SMIM3: variants seen among roughly 807,000 people sequenced by gnomAD.
SMIM3 encodes NGF-induced differentiation clone 67 protein.
SMIM3 carries 4 observed loss-of-function variants against 2.1 expected under a neutral mutation model. That is an observed-to-expected ratio of 1.89 (90% CI 0.93 to 4.31). The LOEUF is 4.31. SMIM3 is among the 30% of genes most tolerant of loss of function. The pLI is 0.01. For missense variants in SMIM3, 79 were observed against 77.7 expected, an observed-to-expected ratio of 1.02 and a Z score of -0.06; for synonymous variants, 29 against 30.8, an observed-to-expected ratio of 0.94 and a Z score of 0.19.
At chr5:150,787,626 G>C (rs1422305427) in intron 1 of SMIM3, among the ~76,000 whole-genome samples, 1 of 152,120 alleles carries the variant, frequency 6.6e-6, no homozygotes, top group Non-Finnish European at 1.5e-5. Flanking sequence ...TCAATGGCTG[G>C]CTAACCTCTC....
Position 150,796,287 on chromosome 5 carries a change from T to C in SMIM3, c.*664T>C, listed in dbSNP as rs910081994. 6.5e-6 allele frequency: 1 copy of C among 152,876 alleles called. No individual in the cohort carries two copies. The highest frequency in any genetic ancestry group is 2.1e-4 in the South Asian group (1 of 4,824). The allele number at this position is 152,876 out of a possible 1,614,324, so 9.5% of individuals were successfully genotyped here. A position where few individuals can be genotyped will look rare whatever the true frequency, so the allele number is the denominator to read the frequency against. ...CTTCTTTCTGCACTGGAGTCTCACA[T>C]CTGTTAGCTTTGACACTCAAGCAAT... On this transcript the variant is annotated 3_prime_UTR_variant, in exon 2 of 2. Coordinates refer to ENST00000526627, the MANE Select transcript of SMIM3 (RefSeq NM_032947.5).
chr5:150,780,727 C>T lies in SMIM3; in HGVS notation c.-12+1755C>T, dbSNP rs535920400. ...AGCCTCAGATGCTTTCTCAGCCATA[C>T]GCCAATCCTTTAAACGTTGTGCCTC... is the stretch of plus-strand genomic sequence containing the variant. On this transcript the variant is annotated intron_variant, in intron 1 of 1. Transcript: ENST00000526627. Among the ~76,000 whole-genome samples, 12 of 152,242 alleles carry T rather than the reference C, an allele frequency of 7.9e-5. No individual in the cohort carries two copies. The East Asian group carries it at 1.4e-3, about 17-fold the overall frequency.
At chr5:150,784,946 G>A (rs1314230552) in intron 1 of SMIM3, among the ~76,000 whole-genome samples, 1 of 152,046 alleles carries the variant, frequency 6.6e-6, no homozygotes. Context: ...ATTTAACAAA[G>A]TCTAATATGA....
intron 1 of SMIM3, among the ~76,000 whole-genome samples, chr5:150,793,193 C>T (rs989149482): frequency 2.6e-5 from 4 of 152,124 alleles, no homozygotes; most frequent in Admixed American, 2.0e-4. Context: ...AATGGAAACA[C>T]ATTCCATGCT....
chr5:150,795,511 T>C lies in SMIM3; in HGVS notation c.71T>C (p.Val24Ala). 6.2e-7 allele frequency: 1 copy of C among 1,613,472 alleles called. No individual in the cohort carries two copies. ...PKHILDIWVI[V>A]LIILATIVIM... ...CACATCCTGGATATCTGGGTTATTG[T>C]CCTCATCATCCTGGCCACCATTGTC... The change falls in exon 2 of 2, where the codon GTC (valine) becomes GCC (alanine). Residue 24 changes from valine (V) to alanine (A), a missense_variant. By Grantham distance (64) the Val-to-Ala change is moderately conservative. Transcript: ENST00000526627.
chr5:150,783,779 G>A (rs890959425), intron 1 of SMIM3, among the ~76,000 whole-genome samples: 3 of 152,164 alleles, frequency 2.0e-5, no homozygotes, highest in Non-Finnish European at 4.4e-5. Context: ...TAAGTTTCCG[G>A]TGGGAGGTTC....
intron 1 of SMIM3, among the ~76,000 whole-genome samples, chr5:150,780,162 G>A (rs938589606): frequency 6.6e-6 from 1 of 152,136 alleles, no homozygotes; most frequent in Non-Finnish European, 1.5e-5. Flanking sequence ...GGAAGAACAG[G>A]TACTCTGGGG....
At chr5:150,794,779 C>T (rs536532218) in intron 1 of SMIM3, among the ~76,000 whole-genome samples, 5 of 152,062 alleles carry the variant, frequency 3.3e-5, no homozygotes, top group Admixed American at 1.3e-4. Context: ...AAATAAATAC[C>T]GAGCAGTTCC....
chr5:150,781,788 T>C (rs1185810465), intron 1 of SMIM3, among the ~76,000 whole-genome samples: 1 of 152,202 alleles, frequency 6.6e-6, no homozygotes, highest in Non-Finnish European at 1.5e-5. Flanking sequence ...GCACCTCTCA[T>C]GGACAGTCTC....
Position 150,795,521 on chromosome 5 carries a change from C to A in SMIM3, c.81C>A (p.Ile27=). 6.2e-7 allele frequency: 1 copy of A among 1,613,096 alleles called. No individual in the cohort carries two copies. The highest frequency in any genetic ancestry group is 8.5e-7 in the Non-Finnish European group (1 of 1,179,860). ...ILDIWVIVLI[I]LATIVIMTSL... is the part of the protein sequence containing the mutation. ...ATATCTGGGTTATTGTCCTCATCAT[C>A]CTGGCCACCATTGTCATCATGACCT... Residue 27 remains isoleucine, a synonymous_variant, in exon 2 of 2, where the codon ATC becomes ATA. Coordinates refer to ENST00000526627, the MANE Select transcript of SMIM3 (RefSeq NM_032947.5).
intron 1 of SMIM3, among the ~76,000 whole-genome samples, chr5:150,794,450 A>G (rs1753381541): frequency 1.3e-5 from 2 of 152,186 alleles, no homozygotes. Context: ...GGATAAAGAA[A>G]CTGTGAGATA....
chr5:150,780,821 T>C (rs533512835), intron 1 of SMIM3, among the ~76,000 whole-genome samples: 1 of 152,310 alleles, frequency 6.6e-6, no homozygotes, highest in East Asian at 1.9e-4. Context: ...CTTGGTTGGG[T>C]GTGGCGGTGG....
At chr5:150,783,382 C>T (rs1753256400) in intron 1 of SMIM3, among the ~76,000 whole-genome samples, 2 of 152,254 alleles carry the variant, frequency 1.3e-5, no homozygotes, top group African/African-American at 4.8e-5. Flanking sequence ...GGCAAACCCT[C>T]TAGTCCTGTG....
Position 150,795,624 on chromosome 5 carries a change from G to A in SMIM3, c.*1G>A, listed in dbSNP as rs762991132. 5 of 1,543,114 alleles carry A rather than the reference G, an allele frequency of 3.2e-6. No individual in the cohort carries two copies. The highest frequency in any genetic ancestry group is 4.3e-6 in the Non-Finnish European group (5 of 1,150,038). On this transcript the variant is annotated 3_prime_UTR_variant, in exon 2 of 2. Coordinates refer to ENST00000526627, the MANE Select transcript of SMIM3 (RefSeq NM_032947.5). ...TCCGATCCTTAGTGGGGCTGTTTGA[G>A]AGCCTCCCAAGAGGGCCGGGTGAGG...
intron 1 of SMIM3, among the ~76,000 whole-genome samples, chr5:150,783,914 C>CTTTTTTTT (rs557905770): frequency 2.4e-5 from 3 of 124,360 alleles, no homozygotes; most frequent in African/African-American, 3.4e-5. Context: ...TTTGAACTCC[C>CTTTTTTTT]TTTTTTTTTT....
intron 1 of SMIM3, among the ~76,000 whole-genome samples, chr5:150,790,343 TGTG>T (rs951274980): frequency 4.6e-5 from 7 of 152,172 alleles, no homozygotes; most frequent in African/African-American, 1.7e-4. Context: ...AAAGGACTCT[TGTG>T]GGGTTCCTTT....
chr5:150,779,339 G>A (rs1753207871), intron 1 of SMIM3, among the ~76,000 whole-genome samples: 1 of 152,092 alleles, frequency 6.6e-6, no homozygotes, highest in Non-Finnish European at 1.5e-5. Flanking sequence ...GGCTCTCCAG[G>A]CCCAGCGTCA....
intron 1 of SMIM3, among the ~76,000 whole-genome samples, chr5:150,784,443 G>T (rs1053904009): frequency 3.3e-5 from 5 of 152,024 alleles, no homozygotes; most frequent in African/African-American, 1.2e-4. Context: ...TGCTCATCCT[G>T]CCTTTCCCCA....
At position 150,795,487 on chromosome 5, in the gene SMIM3, A is replaced by T. The variant is rs767506186; in HGVS notation, c.47A>T (p.His16Leu). 1.9e-6 allele frequency: 3 copies of T among 1,613,820 alleles called. No homozygotes were observed. Among genetic ancestry groups the T allele is most frequent in the Non-Finnish European group, 2.5e-6 (3 of 1,179,884 alleles). ...QVPMEVVLPKHILDIWVIVLI... is the reference protein window; with the variant it reads ...QVPMEVVLPKLILDIWVIVLI... ...CCCATGGAAGTCGTGCTTCCCAAGC[A>T]CATCCTGGATATCTGGGTTATTGTC... The change falls in exon 2 of 2, where the codon CAC becomes CTC. Residue 16 changes from histidine (H) to leucine (L), a missense_variant. Physicochemically the swap from His to Leu is moderately conservative, Grantham distance 99. Transcript: ENST00000526627.
Sources: allele counts gnomAD v4.1 joint callset (sites outside exome capture counted in the v4.1 genomes callset), GRCh38; gene constraint gnomAD v4.1.1; transcripts MANE v1.5; gene names NCBI Gene and HGNC (gene_info 2026-07-23, HGNC 2026-07-21).